The following DLGAP1 variants were observed in gnomAD, a reference collection of about 807,000 sequenced individuals.
The protein encoded by DLGAP1 is disks large-associated protein 1.
Under a neutral mutation model 90.8 loss-of-function variants are expected in DLGAP1, and 11 were observed. The observed-to-expected ratio is 0.12, with a 90% CI of 0.08 to 0.20. DLGAP1 has a LOEUF of 0.20. Among genes scored for constraint, DLGAP1 ranks in the 10% least tolerant of loss-of-function variants. The pLI is 1.00. For missense variants in DLGAP1, 1,050 were observed against 1,333.8 expected (o/e 0.79, Z 3.31); for synonymous variants, 558 against 540.7 (o/e 1.03, Z -0.44).
chr18:4,294,271 T>G (rs1460022380), intron 1 of DLGAP1: 1 of 152,218 alleles, frequency 6.6e-6, no homozygotes, highest in Non-Finnish European at 1.5e-5. Flanking sequence ...CTAAATGCCT[T>G]CTGTAACATT....
chr18:4,393,666 T>G (rs369566178), intron 1 of DLGAP1, among the ~76,000 whole-genome samples: 2 of 152,218 alleles, frequency 1.3e-5, no homozygotes, highest in South Asian at 4.1e-4. Flanking sequence ...ACTCTACATC[T>G]GCTTTACTCT....
chr18:3,788,443 A>G (rs2065563011), intron 5 of DLGAP1, among the ~76,000 whole-genome samples: 1 of 152,174 alleles, frequency 6.6e-6, no homozygotes, highest in African/African-American at 2.4e-5. Flanking sequence ...CTTCAAAGGA[A>G]GAGACCATGG....
At chr18:3,535,713 A>T (rs1286232833) in intron 9 of DLGAP1, among the ~76,000 whole-genome samples, 1 of 149,828 alleles carries the variant, frequency 6.7e-6, no homozygotes, top group Non-Finnish European at 1.5e-5. Flanking sequence ...GTCTCAAAAA[A>T]AAAAAAGAAG....
chr18:3,742,985 C>CCTTCCTTCCTTT (rs1555650549), intron 5 of DLGAP1, among the ~76,000 whole-genome samples: 27 of 145,638 alleles, frequency 1.9e-4, no homozygotes, highest in African/African-American at 6.8e-4. Flanking sequence ...TTCCTTCCTT[C>CCTTCCTTCCTTT]CTTCCTTCCA....
At chr18:4,355,329 C>T (rs1190471203) in intron 1 of DLGAP1, among the ~76,000 whole-genome samples, 1 of 152,184 alleles carries the variant, frequency 6.6e-6, no homozygotes, top group African/African-American at 2.4e-5. Flanking sequence ...GGCAATTATA[C>T]TGTGTGTTAA....
chr18:3,637,307 A>G (rs1352002743), intron 7 of DLGAP1, among the ~76,000 whole-genome samples: 3 of 152,092 alleles, frequency 2.0e-5, no homozygotes, highest in African/African-American at 4.8e-5. Context: ...GATACGTGCA[A>G]ATCCCTAGAA....
At chr18:3,878,706 A>G (rs1430953481) in intron 4 of DLGAP1, among the ~76,000 whole-genome samples, 1 of 149,944 alleles carries the variant, frequency 6.7e-6, no homozygotes, top group Non-Finnish European at 1.5e-5. Context: ...CCCTGAATAG[A>G]TCTAATGAAA....
chr18:4,047,368 G>C (rs191629012), intron 2 of DLGAP1, among the ~76,000 whole-genome samples: 1 of 152,206 alleles, frequency 6.6e-6, no homozygotes, highest in African/African-American at 2.4e-5. Context: ...TATTACTTGG[G>C]TAAATGTAAT....
intron 2 of DLGAP1, among the ~76,000 whole-genome samples, chr18:4,053,266 T>A (rs2075162397): frequency 6.6e-6 from 1 of 152,212 alleles, no homozygotes; most frequent in Non-Finnish European, 1.5e-5. Flanking sequence ...AAACTTATAA[T>A]CATGGTAGAT....
At chr18:3,678,325 C>A (rs1598318113) in intron 7 of DLGAP1, among the ~76,000 whole-genome samples, 1 of 152,112 alleles carries the variant, frequency 6.6e-6, no homozygotes, top group East Asian at 1.9e-4. Flanking sequence ...TTGATGATTC[C>A]TTCTGCTTGG....
chr18:3,867,556 A>G (rs2070475829), intron 4 of DLGAP1, among the ~76,000 whole-genome samples: 1 of 152,104 alleles, frequency 6.6e-6, no homozygotes, highest in South Asian at 2.1e-4. Flanking sequence ...GAACGAAGAA[A>G]TTAAGGTCCT....
chr18:4,234,493 T>C (rs528505529), intron 1 of DLGAP1, among the ~76,000 whole-genome samples: 1 of 152,314 alleles, frequency 6.6e-6, no homozygotes, highest in African/African-American at 2.4e-5. Flanking sequence ...ATTTCAAATG[T>C]ATAAACTCTT....
At chr18:4,256,287 C>T (rs1387253520) in intron 1 of DLGAP1, among the ~76,000 whole-genome samples, 1 of 152,192 alleles carries the variant, frequency 6.6e-6, no homozygotes, top group Non-Finnish European at 1.5e-5. Flanking sequence ...GTGTTCCCAG[C>T]TACTCAAGAG....
intron 1 of DLGAP1, among the ~76,000 whole-genome samples, chr18:4,321,741 G>T (rs183919050): frequency 6.6e-6 from 1 of 152,294 alleles, no homozygotes; most frequent in Non-Finnish European, 1.5e-5. Flanking sequence ...TATCAGTTAA[G>T]ACATTTCTTG....
At chr18:4,149,615 C>G (rs922673740) in intron 2 of DLGAP1, among the ~76,000 whole-genome samples, 1 of 152,150 alleles carries the variant, frequency 6.6e-6, no homozygotes, top group Admixed American at 6.6e-5. Context: ...GAGCAGTGGG[C>G]CAGCGTGCAT....
chr18:3,871,546 C>T (rs2148799060), intron 4 of DLGAP1, among the ~76,000 whole-genome samples: 1 of 152,214 alleles, frequency 6.6e-6, no homozygotes, highest in South Asian at 2.1e-4. Context: ...ATTTATTTTA[C>T]AATTGTTGGA....
intron 3 of DLGAP1, among the ~76,000 whole-genome samples, chr18:3,882,102 T>C (rs1303873320): frequency 6.6e-6 from 1 of 152,166 alleles, no homozygotes; most frequent in Non-Finnish European, 1.5e-5. Context: ...AAATCATAAA[T>C]GTAGAGAAAA....
At chr18:3,694,939 GTT>G (rs1219198458) in intron 7 of DLGAP1, among the ~76,000 whole-genome samples, 5,776 of 124,718 alleles carry the variant, frequency 0.046, 325 homozygotes, top group African/African-American at 0.16. Flanking sequence ...TGTTTTTTTT[GTT>G]TTTTTTTTTT....
At chr18:4,111,916 GTTT>G in intron 2 of DLGAP1, among the ~76,000 whole-genome samples, 1 of 150,262 alleles carries the variant, frequency 6.7e-6, no homozygotes, top group Non-Finnish European at 1.5e-5. Flanking sequence ...TTTCTCTTTT[GTTT>G]TTGTTTTTTA....
Sources: allele counts gnomAD v4.1 joint callset (sites outside exome capture counted in the v4.1 genomes callset), GRCh38; gene constraint gnomAD v4.1.1; transcripts MANE v1.5; gene names NCBI Gene and HGNC (gene_info 2026-07-23, HGNC 2026-07-21).